LSG1: variants seen among roughly 807,000 people sequenced by gnomAD.
LSG1 encodes large 60S subunit nuclear export GTPase 1, also known as large subunit GTPase 1 homolog.
A neutral mutation model predicts 82.6 loss-of-function variants in LSG1; 55 were observed. The observed-to-expected ratio is 0.67, with a 90% confidence interval of 0.54 to 0.83. The LOEUF is 0.83. LSG1 is among the 40% of genes least tolerant of loss of function. LSG1 has a pLI of 0.00. For missense variants in LSG1, 809 were observed against 807.9 expected (o/e 1.00, Z -0.02); for synonymous variants, 272 against 282.5 (o/e 0.96, Z 0.37).
At chr3:194,660,954 G>A (rs1718916957) in intron 5 of LSG1, 1 of 454,236 alleles carries the variant, frequency 2.2e-6, no homozygotes, top group Non-Finnish European at 4.4e-6. Flanking sequence ...TGTGCTAGAT[G>A]TTATAAAGGC....
rs1023298811 is a variant in LSG1 at position 194,671,781 on chromosome 3, A to C, written c.99+283T>G. On this transcript the variant is annotated intron_variant, in intron 1 of 13. Coordinates refer to ENST00000265245, the MANE Select transcript of LSG1 (RefSeq NM_018385.3). The stretch of plus-strand genomic sequence containing the variant: ...AGTTCCAAGCACTTCAGTGGCTTCT[A>C]GGGCAAAACCCAAACGTACTCAAGA... 1.4e-4 allele frequency: 68 copies of C among 477,194 alleles called. 1 individual carries two copies. The highest frequency in any genetic ancestry group is 2.4e-4 in the Non-Finnish European group (66 of 270,956). 29.6% of individuals were successfully genotyped at this position (477,194 alleles called of 1,614,324 possible). A position where few individuals can be genotyped will look rare whatever the true frequency, so the allele number is the denominator to read the frequency against.
intron 1 of LSG1, 28 bp downstream of exon 1, chr3:194,672,036 A>G (rs757609246): frequency 1.3e-6 from 2 of 1,597,918 alleles, no homozygotes; most frequent in African/African-American, 1.3e-5. Context: ...GACAGAAAAG[A>G]TAAGAAAGAT....
chr3:194,670,018 ACT>A lies in LSG1; in HGVS notation c.215_216del (p.Glu72ValfsTer4). 1.9e-6 allele frequency: 3 copies of A among 1,613,832 alleles called. No homozygotes were observed. Among genetic ancestry groups the A allele is most frequent in the Non-Finnish European group, 2.5e-6 (3 of 1,179,824 alleles). ...GCAATAAACAACTTACCAGCTACAA[ACT>A]CTGTTCCTGCAAGTTCTGCAGTAGC... is the stretch of plus-strand genomic sequence containing the variant. ...FLATAELAGT[E>X]FVAEKLNIKF... On this transcript the variant is annotated frameshift_variant, in exon 2 of 14. Coordinates refer to ENST00000265245, the MANE Select transcript of LSG1 (RefSeq NM_018385.3). LOFTEE classifies it high-confidence loss of function.
Position 194,659,171 on chromosome 3 carries a change from AC to A in LSG1, c.583-39del, listed in dbSNP as rs774051895. On this transcript the variant is annotated intron_variant, in intron 6 of 13. Transcript: ENST00000265245. ...AAGAGATTTAGAAAGACCTCTTCAAACAAGTAAAAAAATGAGGCTAATTATA... is the reference window on the plus strand; with the variant it reads ...AAGAGATTTAGAAAGACCTCTTCAAAAAGTAAAAAAATGAGGCTAATTATA... The A allele has an allele frequency of 2.1e-5, 32 of 1,490,226 alleles. 1 individual carries two copies. The highest frequency in any genetic ancestry group is 3.6e-5 in the South Asian group (3 of 84,238). 92.3% of individuals were successfully genotyped at this position (1,490,226 alleles called of 1,614,324 possible). A position where few individuals can be genotyped will look rare whatever the true frequency, so the allele number is the denominator to read the frequency against.
rs1160580114 is a variant in LSG1 at position 194,642,151 on chromosome 3, C to T, written c.1894G>A (p.Gly632Arg). Residue 632 changes from glycine (G) to arginine (R), a missense_variant, in exon 14 of 14, where the codon GGG becomes AGG. Coordinates refer to ENST00000265245, the MANE Select transcript of LSG1 (RefSeq NM_018385.3). The stretch of plus-strand genomic sequence containing the variant: ...TGTTTTTTCCAGGGCTTCCCCGCCC[C>T]GTTCTCAGAGCTCGCAGTGGATGCA... ...VTASTASSEN[G>R]AGKPWKKHGN... 2.4e-5 allele frequency: 38 copies of T among 1,613,966 alleles called. No individual in the cohort carries two copies. Among genetic ancestry groups the T allele is most frequent in the Non-Finnish European group, 2.8e-5 (33 of 1,180,038 alleles).
chr3:194,669,346 T>A (rs372740732), intron 2 of LSG1, among the ~76,000 whole-genome samples: 1 of 152,112 alleles, frequency 6.6e-6, no homozygotes, highest in East Asian at 1.9e-4. Context: ...GTGTAGCTCA[T>A]TAAAGCTGGA....
At position 194,653,126 on chromosome 3, in the gene LSG1, T is replaced by A. The variant is rs2108617539; in HGVS notation, c.776A>T (p.Asp259Val). 1 of 1,613,854 alleles carries A rather than the reference T, an allele frequency of 6.2e-7. No individual in the cohort carries two copies. Among genetic ancestry groups the A allele is most frequent in the Non-Finnish European group, 8.5e-7 (1 of 1,179,762 alleles). ...CTTGGTTGTGTTGCTTTGTCTATCATCTCTGTTTGCCTCTTCCTGACAAAA... is the reference window on the plus strand; with the variant it reads ...CTTGGTTGTGTTGCTTTGTCTATCAACTCTGTTTGCCTCTTCCTGACAAAA... ...NGDSEEEANR[D>V]DRQSNTTKFG... is the part of the protein sequence containing the mutation. The change falls in exon 8 of 14, where the codon GAT becomes GTT. Residue 259 changes from aspartate to valine, a missense_variant. Coordinates refer to ENST00000265245, the MANE Select transcript of LSG1 (RefSeq NM_018385.3).
At chr3:194,646,646 A>G (rs888074199) in intron 11 of LSG1, among the ~76,000 whole-genome samples, 1 of 152,094 alleles carries the variant, frequency 6.6e-6, no homozygotes, top group African/African-American at 2.4e-5. Context: ...TCAGCCTCCC[A>G]AGTACCTGGG....
chr3:194,665,523 T>C (rs745470318), intron 5 of LSG1, 34 bp downstream of exon 5: 16 of 1,495,756 alleles, frequency 1.1e-5, no homozygotes, highest in Middle Eastern at 1.7e-4. Context: ...TTCACTACAA[T>C]GTCTTTATTA....
intron 7 of LSG1, among the ~76,000 whole-genome samples, chr3:194,658,707 CT>C (rs1239812110): frequency 2.2e-4 from 34 of 152,108 alleles, no homozygotes; most frequent in African/African-American, 6.8e-4. Flanking sequence ...TGTCTACAAC[CT>C]TTTAAAAAAA....
At chr3:194,655,088 G>T (rs60659111) in intron 7 of LSG1, among the ~76,000 whole-genome samples, 7,875 of 152,190 alleles carry the variant, frequency 0.052, 508 homozygotes, top group African/African-American at 0.15. Context: ...ATGGAAAACA[G>T]CAGAGTCCAG....
chr3:194,670,979 CAA>C (rs1719129656), intron 1 of LSG1, among the ~76,000 whole-genome samples: 1 of 152,110 alleles, frequency 6.6e-6, no homozygotes. Flanking sequence ...GCCAGCTACT[CAA>C]GAGACTGAGG....
Position 194,666,510 on chromosome 3 carries a change from T to C in LSG1, c.289A>G (p.Ser97Gly). Residue 97 changes from serine (S) to glycine (G), a missense_variant, in exon 3 of 14, where the codon AGC becomes GGC. Transcript: ENST00000265245. ...TCATGGAGCTTCTTAATTCTCTGGC[T>C]CTCCTCGAAAGACAGTAGTCCAGTT... ...ARTGLLSFEESQRIKKLHEEN... is the reference protein window; with the variant it reads ...ARTGLLSFEEGQRIKKLHEEN... The C allele has an allele frequency of 6.2e-7, 1 of 1,613,924 alleles. No homozygotes were observed. The highest frequency in any genetic ancestry group is 2.2e-5 in the East Asian group (1 of 44,862).
intron 7 of LSG1, among the ~76,000 whole-genome samples, chr3:194,658,705 AC>A (rs1295212807): frequency 6.6e-6 from 1 of 152,222 alleles, no homozygotes; most frequent in Admixed American, 6.5e-5. Flanking sequence ...CCTGTCTACA[AC>A]CTTTTAAAAA....
chr3:194,666,147 C>G, intron 4 of LSG1, 56 bp downstream of exon 4: 1 of 1,456,246 alleles, frequency 6.9e-7, no homozygotes, highest in Non-Finnish European at 9.6e-7. Context: ...GTAAGCATGC[C>G]AAATATCTGA....
Position 194,670,039 on chromosome 3 carries a change from C to A in LSG1, c.196G>T (p.Ala66Ser), listed in dbSNP as rs1307884362. 1.9e-6 allele frequency: 3 copies of A among 1,613,924 alleles called. No individual in the cohort carries two copies. Among genetic ancestry groups the A allele is most frequent in the Non-Finnish European group, 2.5e-6 (3 of 1,179,966 alleles). ...QSSLDDFLAT[A>S]ELAGTEFVAE... ...ACAAACTCTGTTCCTGCAAGTTCTGCAGTAGCAAGGAAGTCATCAAGGGAG... is the reference window on the plus strand; with the variant it reads ...ACAAACTCTGTTCCTGCAAGTTCTGAAGTAGCAAGGAAGTCATCAAGGGAG... The change falls in exon 2 of 14, where the codon GCA (alanine) becomes TCA (serine). Residue 66 changes from alanine to serine, a missense_variant. Transcript: ENST00000265245.
intron 7 of LSG1, among the ~76,000 whole-genome samples, chr3:194,656,811 T>C (rs1341488341): frequency 2.6e-5 from 4 of 152,252 alleles, no homozygotes; most frequent in East Asian, 1.9e-4. Flanking sequence ...TGGAATACTA[T>C]GCAGCCATAA....
intron 11 of LSG1, 130 bp from the exon 12 acceptor site, chr3:194,646,373 A>G: frequency 1.5e-6 from 1 of 648,306 alleles, no homozygotes. Flanking sequence ...ATCATTGTAG[A>G]ATATATATTG....
At chr3:194,645,571 G>C (rs4677648) in intron 12 of LSG1, among the ~76,000 whole-genome samples, 2,490 of 40,940 alleles carry the variant, frequency 0.061, 353 homozygotes, top group African/African-American at 0.12. Context: ...CACACACACA[G>C]ACAGACACAC....
Sources: gnomAD v4.1 joint callset for allele counts (sites outside exome capture counted in the v4.1 genomes callset) on GRCh38, gnomAD v4.1.1 for gene constraint, MANE v1.5 for transcripts, NCBI Gene and HGNC (gene_info 2026-07-23, HGNC 2026-07-21) for gene names.